Variants in KCNIP4 observed in about 807,000 individuals in gnomAD.
KCNIP4 encodes Kv channel-interacting protein 4.
Under a neutral mutation model 34.0 loss-of-function variants are expected in KCNIP4, and 12 were observed. That is an observed-to-expected ratio of 0.35 (90% CI 0.23 to 0.57). The LOEUF (loss-of-function observed/expected upper bound fraction) is 0.57, where lower values mean the gene tolerates loss of function less well. KCNIP4 is among the 20% of genes least tolerant of loss of function. The pLI is 0.83. For missense variants in KCNIP4, 238 were observed against 311.7 expected, an observed-to-expected ratio of 0.76 and a Z score of 1.78; for synonymous variants, 124 against 102.2, an observed-to-expected ratio of 1.21 and a Z score of -1.29.
chr4:21,513,862 G>C (rs111515542), intron 1 of KCNIP4, among the ~76,000 whole-genome samples: 16 of 152,248 alleles, frequency 1.1e-4, no homozygotes, highest in African/African-American at 2.9e-4. Flanking sequence ...CACTCTGTTG[G>C]GTCTATGGAT....
intron 1 of KCNIP4, among the ~76,000 whole-genome samples, chr4:20,908,696 T>G (rs780078729): frequency 7.9e-5 from 12 of 152,212 alleles, no homozygotes; most frequent in Non-Finnish European, 1.3e-4. Context: ...TCCCTGTTAC[T>G]GTGCAGAGTT....
In KCNIP4 at chr4:20,767,036, T is replaced by C. The variant is rs1001612359; in HGVS notation, c.289-8146A>G. The C allele has an allele frequency of 2.0e-5, 3 of 152,282 alleles. No homozygotes were observed. In the East Asian group the frequency reaches 5.8e-4, roughly 29 times the overall value. 9.4% of individuals were successfully genotyped at this position (152,282 alleles called of 1,614,324 possible). A position where few individuals can be genotyped will look rare whatever the true frequency, so the allele number is the denominator to read the frequency against. ...TCCTAGCCCTCTACCTTACACATCA[T>C]ATTTGGTCATTTAATATTAGCTGTT... On this transcript the variant is annotated intron_variant, in intron 3 of 8. Coordinates refer to ENST00000382152, the MANE Select transcript of KCNIP4 (RefSeq NM_025221.6).
chr4:21,263,583 GCAC>G lies in KCNIP4; in HGVS notation c.62-380877_62-380875del, dbSNP rs1761606423. Among the ~76,000 whole-genome samples the G allele has an allele frequency of 2.0e-5, 3 of 152,094 alleles. No homozygotes were observed. The South Asian group carries it at 6.2e-4, about 32-fold the overall frequency. On this transcript the variant is annotated intron_variant, in intron 1 of 8. Transcript: ENST00000382152. ...CCAGCTGGCCTTGACCTTCAAATCG[GCAC>G]CACCACTTTCTGTTCCTGCCAGAGC...
intron 1 of KCNIP4, among the ~76,000 whole-genome samples, chr4:21,222,243 C>T (rs1011133223): frequency 6.6e-6 from 1 of 152,096 alleles, no homozygotes; most frequent in Non-Finnish European, 1.5e-5. Context: ...GAGTGTTGAT[C>T]TCGCACTTTC....
At chr4:20,731,310 G>GTTATC (rs1223838363) in intron 8 of KCNIP4, 1 of 824,464 alleles carries the variant, frequency 1.2e-6, no homozygotes, top group African/African-American at 1.8e-5. Flanking sequence ...CTGGCCTTAA[G>GTTATC]TTATCTTCCC....
chr4:21,467,011 T>A (rs913680795), intron 1 of KCNIP4, among the ~76,000 whole-genome samples: 5 of 151,280 alleles, frequency 3.3e-5, no homozygotes, highest in African/African-American at 1.2e-4. Context: ...AAATATGTCA[T>A]GGCCAGAATC....
At chr4:20,804,647 T>C (rs1485615293) in intron 3 of KCNIP4, among the ~76,000 whole-genome samples, 1 of 152,194 alleles carries the variant, frequency 6.6e-6, no homozygotes, top group Non-Finnish European at 1.5e-5. Flanking sequence ...CCTTTTGTTA[T>C]ACTCTCTTTC....
intron 1 of KCNIP4, among the ~76,000 whole-genome samples, chr4:21,759,498 A>G (rs1717899223): frequency 6.6e-6 from 1 of 152,212 alleles, no homozygotes; most frequent in Admixed American, 6.5e-5. Flanking sequence ...GTAGTCAAAG[A>G]ATCCTAGAAC....
At chr4:21,683,785 TG>T (rs999180490) in intron 1 of KCNIP4, among the ~76,000 whole-genome samples, 5 of 152,114 alleles carry the variant, frequency 3.3e-5, no homozygotes, top group African/African-American at 1.2e-4. Flanking sequence ...ATGTCGTTTG[TG>T]GGAACACAGA....
In KCNIP4 at chr4:20,980,649, T is replaced by C. The variant is rs546680353; in HGVS notation, c.62-97940A>G. On this transcript the variant is annotated intron_variant, in intron 1 of 8. Coordinates refer to ENST00000382152, the MANE Select transcript of KCNIP4 (RefSeq NM_025221.6). Reference sequence around the variant, plus strand: ...CCTCTCATTCAAATAGACTCAGAAGTACTTTCTAATGTATTATACAGAAAA... The same window carrying C: ...CCTCTCATTCAAATAGACTCAGAAGCACTTTCTAATGTATTATACAGAAAA... Among the ~76,000 whole-genome samples, 6 of 152,284 alleles carry C rather than the reference T, an allele frequency of 3.9e-5. No individual in the cohort carries two copies. In the East Asian group the frequency reaches 9.7e-4, roughly 25 times the overall value.
chr4:21,456,347 A>AT (rs1462296218), intron 1 of KCNIP4, among the ~76,000 whole-genome samples: 2 of 147,844 alleles, frequency 1.4e-5, no homozygotes, highest in Non-Finnish European at 3.0e-5. Flanking sequence ...GCACGTTTGA[A>AT]TGATGGCACA....
chr4:21,044,354 C>G (rs1294336458), intron 1 of KCNIP4, among the ~76,000 whole-genome samples: 13 of 152,024 alleles, frequency 8.6e-5, no homozygotes. Flanking sequence ...CTCTGTCACC[C>G]AGACTGGAGT....
At chr4:21,215,586 C>T (rs1560180940) in intron 1 of KCNIP4, among the ~76,000 whole-genome samples, 1 of 152,206 alleles carries the variant, frequency 6.6e-6, no homozygotes, top group East Asian at 1.9e-4. Flanking sequence ...CACATTATAC[C>T]ATTTCACTGT....
intron 1 of KCNIP4, among the ~76,000 whole-genome samples, chr4:21,476,093 T>C (rs13135994): frequency 0.12 from 18,924 of 152,160 alleles, 1,315 homozygotes; most frequent in South Asian, 0.21. Context: ...TGTAAGTAAA[T>C]ATCTCTAGCT....
intron 1 of KCNIP4, chr4:21,582,016 T>C (rs865804156): frequency 1.5e-5 from 2 of 136,568 alleles, no homozygotes; most frequent in Non-Finnish European, 3.1e-5. Flanking sequence ...AAGAATAGAA[T>C]AGAATAGAAT....
At chr4:21,693,987 G>T (rs1711977141) in intron 1 of KCNIP4, among the ~76,000 whole-genome samples, 1 of 152,134 alleles carries the variant, frequency 6.6e-6, no homozygotes, top group Non-Finnish European at 1.5e-5. Context: ...ATGGAAAAAT[G>T]TGTTCAGGTC....
In KCNIP4 at chr4:20,941,714, T is replaced by C. The variant is rs190469514; in HGVS notation, c.62-59005A>G. Among the ~76,000 whole-genome samples the C allele has an allele frequency of 5.9e-5, 9 of 152,358 alleles. No individual in the cohort carries two copies. The East Asian group carries it at 1.5e-3, about 26-fold the overall frequency. On this transcript the variant is annotated intron_variant, in intron 1 of 8. Transcript: ENST00000382152. ...TCTTCTATTTCAAATGTCATTGTTA[T>C]TAGTTTTGTAATAGAGCTCACTGAC...
chr4:21,398,919 C>A (rs981022926), intron 1 of KCNIP4, among the ~76,000 whole-genome samples: 1 of 152,172 alleles, frequency 6.6e-6, no homozygotes, highest in Non-Finnish European at 1.5e-5. Flanking sequence ...AGCAAGTTGA[C>A]TGGGTAAATG....
intron 1 of KCNIP4, among the ~76,000 whole-genome samples, chr4:21,650,680 T>A (rs1340178465): frequency 6.6e-6 from 1 of 152,164 alleles, no homozygotes; most frequent in Non-Finnish European, 1.5e-5. Context: ...TAAAACTTAG[T>A]ATCTTAAAAC....
Sources: gnomAD v4.1 joint callset for allele counts (sites outside exome capture counted in the v4.1 genomes callset) on GRCh38, gnomAD v4.1.1 for gene constraint, MANE v1.5 for transcripts, NCBI Gene and HGNC (gene_info 2026-07-23, HGNC 2026-07-21) for gene names.